The following RBFOX1 variants were observed in gnomAD, a reference collection of about 807,000 sequenced individuals.
The protein encoded by RBFOX1 is RNA binding fox-1 homolog 1.
In RBFOX1, 8 loss-of-function variants were observed where a neutral mutation model predicts 57.7. The ratio of observed to expected loss-of-function variants is 0.14; its 90% confidence interval spans 0.08 to 0.25. The LOEUF (loss-of-function observed/expected upper bound fraction) is 0.25. Ranked by LOEUF, RBFOX1 falls within the 10% of genes least tolerant of loss-of-function variation. RBFOX1 has a pLI of 1.00. For synonymous variants in RBFOX1, 326 were observed against 222.4 expected (o/e 1.47, Z -4.15); for missense variants, 611 against 548.5 (o/e 1.11, Z -1.14).
At chr16:6,521,572 C>G (rs1379248242) in intron 2 of RBFOX1, among the ~76,000 whole-genome samples, 1 of 134,380 alleles carries the variant, frequency 7.4e-6, no homozygotes, top group Admixed American at 7.0e-5. Flanking sequence ...CTTTGTCTTT[C>G]TCTCTTTAAT....
At chr16:6,868,550 C>T (rs1051940192) in intron 3 of RBFOX1, among the ~76,000 whole-genome samples, 2 of 152,120 alleles carry the variant, frequency 1.3e-5, no homozygotes, top group African/African-American at 4.8e-5. Context: ...CGGCTCACTG[C>T]AACCTCTGCT....
At chr16:6,866,630 C>T (rs2059974267) in intron 3 of RBFOX1, among the ~76,000 whole-genome samples, 1 of 139,568 alleles carries the variant, frequency 7.2e-6, no homozygotes, top group African/African-American at 2.6e-5. Context: ...CAAGCTCCGC[C>T]TCCCCGGTTC....
chr16:5,365,422 C>A (rs1340491285), intron 1 of RBFOX1, among the ~76,000 whole-genome samples: 1 of 152,212 alleles, frequency 6.6e-6, no homozygotes, highest in African/African-American at 2.4e-5. Flanking sequence ...AATCCCAGCA[C>A]TTTGGGAGGC....
intron 2 of RBFOX1, among the ~76,000 whole-genome samples, chr16:6,626,627 G>T (rs1320208207): frequency 2.0e-5 from 3 of 152,100 alleles, no homozygotes; most frequent in African/African-American, 7.2e-5. Context: ...AGGTATGGTG[G>T]TGCGCACCTG....
At chr16:5,741,192 C>G (rs548941099) in intron 3 of RBFOX1, among the ~76,000 whole-genome samples, 2 of 152,252 alleles carry the variant, frequency 1.3e-5, no homozygotes, top group Admixed American at 6.5e-5. Context: ...CATCTCATCC[C>G]TCTTTCCTGC....
At chr16:5,394,777 G>A (rs1048711697) in intron 1 of RBFOX1, among the ~76,000 whole-genome samples, 6 of 152,014 alleles carry the variant, frequency 3.9e-5, no homozygotes, top group Non-Finnish European at 7.4e-5. Flanking sequence ...TTGAACTCCC[G>A]GTCTCACGCA....
At chr16:7,425,026 T>A (rs2098596658) in intron 4 of RBFOX1, among the ~76,000 whole-genome samples, 1 of 152,188 alleles carries the variant, frequency 6.6e-6, no homozygotes, top group Non-Finnish European at 1.5e-5. Flanking sequence ...TATTTTGACA[T>A]AAAAGGGGGA....
chr16:6,084,569 T>G (rs2152516027), intron 1 of RBFOX1, among the ~76,000 whole-genome samples: 1 of 152,302 alleles, frequency 6.6e-6, no homozygotes, highest in East Asian at 1.9e-4. Context: ...TTGAAGTATT[T>G]TAGCTTTCAA....
At chr16:6,823,916 G>T (rs182736786) in intron 3 of RBFOX1, among the ~76,000 whole-genome samples, 5 of 152,118 alleles carry the variant, frequency 3.3e-5, no homozygotes, top group Admixed American at 2.6e-4. Context: ...GGAGTTACAC[G>T]TAAGAAATCA....
intron 2 of RBFOX1, among the ~76,000 whole-genome samples, chr16:6,606,532 C>G (rs760120067): frequency 6.6e-6 from 1 of 152,086 alleles, no homozygotes; most frequent in African/African-American, 2.4e-5. Context: ...TTCCCCTCTA[C>G]GAGGCCCCAT....
At chr16:7,299,204 A>T (rs187409117) in intron 4 of RBFOX1, among the ~76,000 whole-genome samples, 1 of 152,200 alleles carries the variant, frequency 6.6e-6, no homozygotes, top group Non-Finnish European at 1.5e-5. Context: ...TGTCAAATCT[A>T]TATATTATTG....
At chr16:6,053,777 G>C (rs1218546112) in intron 1 of RBFOX1, among the ~76,000 whole-genome samples, 3 of 152,140 alleles carry the variant, frequency 2.0e-5, no homozygotes, top group Non-Finnish European at 4.4e-5. Flanking sequence ...CTTAGGCTGG[G>C]CACAGTGGCC....
intron 2 of RBFOX1, among the ~76,000 whole-genome samples, chr16:5,522,872 C>A (rs2044075158): frequency 6.6e-6 from 1 of 152,184 alleles, no homozygotes; most frequent in Admixed American, 6.5e-5. Context: ...GACAGGATTC[C>A]ATTCTTTTTT....
chr16:6,601,406 G>C (rs114044745), intron 2 of RBFOX1, among the ~76,000 whole-genome samples: 1 of 152,110 alleles, frequency 6.6e-6, no homozygotes, highest in African/African-American at 2.4e-5. Context: ...TGTTGGTATT[G>C]TGGCCAGACT....
intron 1 of RBFOX1, among the ~76,000 whole-genome samples, chr16:5,439,351 G>A (rs1363607067): frequency 6.6e-6 from 1 of 152,136 alleles, no homozygotes; most frequent in East Asian, 1.9e-4. Flanking sequence ...TTTAAACAGG[G>A]AAGTGACATG....
intron 4 of RBFOX1, among the ~76,000 whole-genome samples, chr16:7,063,781 G>A (rs943415745): frequency 2.1e-4 from 32 of 152,290 alleles, no homozygotes; most frequent in Admixed American, 7.2e-4. Flanking sequence ...AAACATTCTG[G>A]ATAATAACTG....
chr16:6,890,634 A>G (rs1407850785), intron 3 of RBFOX1, among the ~76,000 whole-genome samples: 1 of 152,206 alleles, frequency 6.6e-6, no homozygotes, highest in Non-Finnish European at 1.5e-5. Flanking sequence ...GGTGTTTGTA[A>G]CAGTCTTTCC....
intron 2 of RBFOX1, among the ~76,000 whole-genome samples, chr16:5,562,961 T>C (rs1271882257): frequency 6.6e-6 from 1 of 152,130 alleles, no homozygotes; most frequent in Non-Finnish European, 1.5e-5. Context: ...GTATTATTAT[T>C]ATTATTGAAA....
chr16:6,060,140 T>TG (rs1206588597), intron 1 of RBFOX1, among the ~76,000 whole-genome samples: 18 of 28,516 alleles, frequency 6.3e-4, no homozygotes, highest in Non-Finnish European at 1.8e-3. Flanking sequence ...TTTTTTTTTT[T>TG]TTTTTTTTTT....
Sources: gnomAD v4.1 joint callset for allele counts (sites outside exome capture counted in the v4.1 genomes callset) on GRCh38, gnomAD v4.1.1 for gene constraint, MANE v1.5 for transcripts, NCBI Gene and HGNC (gene_info 2026-07-23, HGNC 2026-07-21) for gene names.